The following PCOLCE variants were observed in gnomAD, a reference collection of about 807,000 sequenced individuals.
The protein encoded by PCOLCE is procollagen C-endopeptidase enhancer 1.
In PCOLCE, 33 loss-of-function variants were observed where a neutral mutation model predicts 47.2. The ratio of observed to expected loss-of-function variants is 0.70; its 90% confidence interval spans 0.53 to 0.93. PCOLCE has a LOEUF of 0.93. Among genes scored for constraint, PCOLCE ranks in the 40% least tolerant of loss-of-function variants. PCOLCE has a pLI of 0.00. For missense variants in PCOLCE, 584 were observed against 585.3 expected (o/e 1.00, Z 0.02); for synonymous variants, 254 against 252.5 (o/e 1.01, Z -0.06).
In PCOLCE at chr7:100,605,523, G is replaced by A; in HGVS notation, c.589-153G>A. 1.1e-6 allele frequency: 1 copy of A among 902,894 alleles called. No individual in the cohort carries two copies. The highest frequency in any genetic ancestry group is 1.7e-6 in the Non-Finnish European group (1 of 601,426). 55.9% of individuals were successfully genotyped at this position (902,894 alleles called of 1,614,324 possible). ...CCTGCAGGGTCCCATGGGTGTGTGT[G>A]GTCCTCCGTGCTGTGGTGTGAACGC... On this transcript the variant is annotated intron_variant, in intron 4 of 8. Transcript: ENST00000223061. This position sits in a 1 kb window ranked among gnomAD's most constrained non-coding sequence, Gnocchi z 6.1.
chr7:100,602,892 G>A (rs1031134741), intron 1 of PCOLCE: 21 of 375,102 alleles, frequency 5.6e-5, no homozygotes, highest in Non-Finnish European at 8.7e-5. Flanking sequence ...GGATTGTAGG[G>A]GGAGGAGGGG....
At position 100,602,560 on chromosome 7, in the gene PCOLCE, CTT is replaced by C; in HGVS notation, c.95+10_95+11del. 1 of 1,546,898 alleles carries C rather than the reference CTT, an allele frequency of 6.5e-7. No individual in the cohort carries two copies. The highest frequency in any genetic ancestry group is 8.9e-7 in the Non-Finnish European group (1 of 1,119,618). ...ACCCCCAACTACACCAGGTAGGTCT[CTT>C]GGCATCTTCCAGACAGCTCCAGTGA... On this transcript the variant is annotated intron_variant, in intron 1 of 8. Coordinates refer to ENST00000223061, the MANE Select transcript of PCOLCE (RefSeq NM_002593.4).
Position 100,604,307 on chromosome 7 carries a change from C to A in PCOLCE, c.463+90C>A, listed in dbSNP as rs1802672111. ...CAGCCCTAACCTCCGCCCCGCCCAC[C>A]CCGCGCCCCAGTGCCTAGGGCCCCC... On this transcript the variant is annotated intron_variant, in intron 3 of 8. Coordinates refer to ENST00000223061, the MANE Select transcript of PCOLCE (RefSeq NM_002593.4). This position sits in a 1 kb window ranked among gnomAD's most constrained non-coding sequence, Gnocchi z 6.4. 20 of 1,261,308 alleles carry A rather than the reference C, an allele frequency of 1.6e-5. No individual in the cohort carries two copies. The highest frequency in any genetic ancestry group is 2.0e-5 in the Non-Finnish European group (18 of 918,180). The allele number at this position is 1,261,308 out of a possible 1,614,324, so 78.1% of individuals were successfully genotyped here.
In PCOLCE at chr7:100,604,150, G is replaced by A; in HGVS notation, c.396G>A (p.Thr132=). Residue 132 remains threonine (T), a synonymous_variant, in exon 3 of 9, where the codon ACG becomes ACA. Transcript: ENST00000223061. The surrounding 1 kb of genome is among the most constrained non-coding windows in gnomAD (Gnocchi z 6.4). Reference sequence around the variant, plus strand: ...GCAACCAGGTGACCCTGAGGATGACGACGGATGAGGGCACAGGAGGACGAG... The same window carrying A: ...GCAACCAGGTGACCCTGAGGATGACAACGGATGAGGGCACAGGAGGACGAG... The part of the protein sequence containing the change: ...APGNQVTLRM[T]TDEGTGGRGF... 1 of 1,613,222 alleles carries A rather than the reference G, an allele frequency of 6.2e-7. No homozygotes were observed. Among genetic ancestry groups the A allele is most frequent in the Non-Finnish European group, 8.5e-7 (1 of 1,179,974 alleles).
rs766866388 is a variant in PCOLCE, at chr7:100,605,166, A to AC, written c.545dup (p.Ile184HisfsTer23). 1 of 1,611,752 alleles carries AC rather than the reference A, an allele frequency of 6.2e-7. No individual in the cohort carries two copies. Among genetic ancestry groups the AC allele is most frequent in the Non-Finnish European group, 8.5e-7 (1 of 1,179,260 alleles). Reference sequence around the variant, plus strand: ...ACGCCCAACTGGCCCGAGTCCGATTACCCCCCGGGCATCAGCTGTTCCTGG... The same window carrying AC: ...ACGCCCAACTGGCCCGAGTCCGATTACCCCCCCGGGCATCAGCTGTTCCTGG... On this transcript the variant is annotated frameshift_variant, in exon 4 of 9. Coordinates refer to ENST00000223061, the MANE Select transcript of PCOLCE (RefSeq NM_002593.4). LOFTEE classifies it high-confidence loss of function. The surrounding 1 kb of genome is among the most constrained non-coding windows in gnomAD (Gnocchi z 6.1).
intron 8 of PCOLCE, 54 bp from the exon 9 acceptor site, chr7:100,607,883 C>T: frequency 2.5e-6 from 4 of 1,611,446 alleles, no homozygotes; most frequent in Non-Finnish European, 3.4e-6. Context: ...AATCTTGAGA[C>T]CTGCTGACAG....
Position 100,605,137 on chromosome 7 carries a change from G to A in PCOLCE, c.510G>A (p.Leu170=), listed in dbSNP as rs778746301. 1.2e-6 allele frequency: 2 copies of A among 1,613,024 alleles called. No homozygotes were observed. The highest frequency in any genetic ancestry group is 1.7e-5 in the Admixed American group (1 of 59,988). Residue 170 remains leucine, a synonymous_variant, in exon 4 of 9, where the codon CTG becomes CTA. Transcript: ENST00000223061. This position sits in a 1 kb window ranked among gnomAD's most constrained non-coding sequence, Gnocchi z 6.1. Reference sequence around the variant, plus strand: ...GGCTGGAGAAGGCCCAGGGAACCCTGACCACGCCCAACTGGCCCGAGTCCG... The same window carrying A: ...GGCTGGAGAAGGCCCAGGGAACCCTAACCACGCCCAACTGGCCCGAGTCCG... ...GGRLEKAQGT[L]TTPNWPESDY...
chr7:100,607,550 G>A (rs1802738673), intron 7 of PCOLCE, 27 bp downstream of exon 7: 1 of 1,612,798 alleles, frequency 6.2e-7, no homozygotes, highest in Non-Finnish European at 8.5e-7. Context: ...CCCCATTCCA[G>A]CTCCTCGAAC....
intron 1 of PCOLCE, 55 bp downstream of exon 1, chr7:100,602,606 C>T: frequency 8.8e-7 from 1 of 1,141,824 alleles, no homozygotes; most frequent in Non-Finnish European, 1.3e-6. Flanking sequence ...CCCCCGATTC[C>T]TTTGGGGTTA....
rs774433442 is a variant in PCOLCE, at chr7:100,607,672, C to G, written c.1048C>G (p.Pro350Ala). 40 of 1,614,018 alleles carry G rather than the reference C, an allele frequency of 2.5e-5. No homozygotes were observed. Among genetic ancestry groups the G allele is most frequent in the South Asian group, 2.0e-4 (18 of 91,084 alleles). Residue 350 changes from proline to alanine, a missense_variant, in exon 8 of 9, where the codon CCA becomes GCA. By Grantham distance (27) the Pro-to-Ala change is conservative. Transcript: ENST00000223061. ...TATVKSMVREPGEGLAVTVSL... is the reference protein window; with the variant it reads ...TATVKSMVREAGEGLAVTVSL... ...GACAGTGAAGTCCATGGTTCGGGAG[C>G]CAGGGGAGGGCCTTGCCGTGACTGT...
In PCOLCE at chr7:100,605,622, T is replaced by C; in HGVS notation, c.589-54T>C. ...TGCAGGCACCCAGTAGGAGATGAGG[T>C]GCAGGCGCCCAGGGGTGTCCCGCCG... On this transcript the variant is annotated intron_variant, in intron 4 of 8. Coordinates refer to ENST00000223061, the MANE Select transcript of PCOLCE (RefSeq NM_002593.4). The surrounding 1 kb of genome is among the most constrained non-coding windows in gnomAD (Gnocchi z 6.1). 6.5e-7 allele frequency: 1 copy of C among 1,539,570 alleles called. No individual in the cohort carries two copies. The highest frequency in any genetic ancestry group is 8.8e-7 in the Non-Finnish European group (1 of 1,140,656).
In PCOLCE at chr7:100,604,729, G is replaced by A. The variant is rs1802680534; in HGVS notation, c.464-362G>A. ...GTCCTCGGGGGCTGTGCCCCAAGTC[G>A]AGGACACCCTCTCCAGCCTGAAAGG... On this transcript the variant is annotated intron_variant, in intron 3 of 8. Coordinates refer to ENST00000223061, the MANE Select transcript of PCOLCE (RefSeq NM_002593.4). This position sits in a 1 kb window ranked among gnomAD's most constrained non-coding sequence, Gnocchi z 6.4. 3.1e-6 allele frequency: 1 copy of A among 320,758 alleles called. No individual in the cohort carries two copies. Among genetic ancestry groups the A allele is most frequent in the Non-Finnish European group, 5.9e-6 (1 of 169,704 alleles). 19.9% of individuals were successfully genotyped at this position (320,758 alleles called of 1,614,324 possible). A position where few individuals can be genotyped will look rare whatever the true frequency, so the allele number is the denominator to read the frequency against.
Position 100,605,436 on chromosome 7 carries a change from C to A in PCOLCE, c.588+221C>A. The A allele has an allele frequency of 3.1e-6, 2 of 650,950 alleles. No homozygotes were observed. The highest frequency in any genetic ancestry group is 3.9e-5 in the South Asian group (2 of 51,096). The allele number at this position is 650,950 out of a possible 1,614,324, so 40.3% of individuals were successfully genotyped here. A position where few individuals can be genotyped will look rare whatever the true frequency, so the allele number is the denominator to read the frequency against. On this transcript the variant is annotated intron_variant, in intron 4 of 8. Coordinates refer to ENST00000223061, the MANE Select transcript of PCOLCE (RefSeq NM_002593.4). The surrounding 1 kb of genome is among the most constrained non-coding windows in gnomAD (Gnocchi z 6.1). ...CGAGGTACAGGGTCCTGGTATAACA[C>A]GCGGGCCTGTCACTTGTGAGTGCGC...
At chr7:100,606,702 G>A in intron 6 of PCOLCE, 72 bp downstream of exon 6, 5 of 1,178,978 alleles carry the variant, frequency 4.2e-6, no homozygotes, top group Non-Finnish European at 6.0e-6. Flanking sequence ...GACCTGGGCT[G>A]TGGCTCACAC....
Position 100,608,051 on chromosome 7 carries a change from G to A in PCOLCE, c.1298G>A (p.Ser433Asn), listed in dbSNP as rs1562828364. 2.5e-6 allele frequency: 4 copies of A among 1,614,024 alleles called. No individual in the cohort carries two copies. Among genetic ancestry groups the A allele is most frequent in the Non-Finnish European group, 3.4e-6 (4 of 1,180,026 alleles). Residue 433 changes from serine to asparagine, a missense_variant, in exon 9 of 9, where the codon AGC becomes AAC. Coordinates refer to ENST00000223061, the MANE Select transcript of PCOLCE (RefSeq NM_002593.4). ...CAGGACCAGATCCTCACCAACCTAAGCAAGAGGAAGTGCCCCTCTCAACCT... is the reference window on the plus strand; with the variant it reads ...CAGGACCAGATCCTCACCAACCTAAACAAGAGGAAGTGCCCCTCTCAACCT... The part of the protein sequence containing the change: ...PNQDQILTNL[S>N]KRKCPSQPVR...
At position 100,604,437 on chromosome 7, in the gene PCOLCE, C is replaced by CA. The variant is rs1432656683; in HGVS notation, c.463+221dup. On this transcript the variant is annotated intron_variant, in intron 3 of 8. Transcript: ENST00000223061. This position sits in a 1 kb window ranked among gnomAD's most constrained non-coding sequence, Gnocchi z 6.4. ...CCCATCCCTCTTCCAGGGCCCCCCCCAGGCGCGAGGCGGAAATGGGTCACC... is the reference window on the plus strand; with the variant it reads ...CCCATCCCTCTTCCAGGGCCCCCCCCAAGGCGCGAGGCGGAAATGGGTCACC... 3 of 631,674 alleles carry CA rather than the reference C, an allele frequency of 4.7e-6. No homozygotes were observed. The highest frequency in any genetic ancestry group is 2.8e-5 in the East Asian group (1 of 36,170). 39.1% of individuals were successfully genotyped at this position (631,674 alleles called of 1,614,324 possible). A position where few individuals can be genotyped will look rare whatever the true frequency, so the allele number is the denominator to read the frequency against.
Position 100,605,708 on chromosome 7 carries a change from G to A in PCOLCE, c.621G>A (p.Leu207=), listed in dbSNP as rs776856288. Residue 207 remains leucine, a synonymous_variant, in exon 5 of 9, where the codon CTG becomes CTA. Transcript: ENST00000223061. This position sits in a 1 kb window ranked among gnomAD's most constrained non-coding sequence, Gnocchi z 6.1. ...CGCTGACCTTCGAGAAGTTTGACCTGGAGCCGGACACCTACTGCCGCTATG... is the reference window on the plus strand; with the variant it reads ...CGCTGACCTTCGAGAAGTTTGACCTAGAGCCGGACACCTACTGCCGCTATG... The part of the protein sequence containing the change: ...VIALTFEKFD[L]EPDTYCRYDS... 2 of 1,581,252 alleles carry A rather than the reference G, an allele frequency of 1.3e-6. No homozygotes were observed. Among genetic ancestry groups the A allele is most frequent in the Admixed American group, 1.8e-5 (1 of 55,462 alleles).
chr7:100,604,885 C>T lies in PCOLCE; in HGVS notation c.464-206C>T. 1.9e-6 allele frequency: 1 copy of T among 525,822 alleles called. No homozygotes were observed. The highest frequency in any genetic ancestry group is 3.4e-6 in the Non-Finnish European group (1 of 293,886). The allele number at this position is 525,822 out of a possible 1,614,324, so 32.6% of individuals were successfully genotyped here. A position where few individuals can be genotyped will look rare whatever the true frequency, so the allele number is the denominator to read the frequency against. On this transcript the variant is annotated intron_variant, in intron 3 of 8. Transcript: ENST00000223061. This position sits in a 1 kb window ranked among gnomAD's most constrained non-coding sequence, Gnocchi z 6.4. ...CCCGCTTCCACCGCCCGCCAGTGCG[C>T]CCTGCGGCCCCAGACTTCCCCGAGC...
At chr7:100,607,405 C>T in intron 6 of PCOLCE, 47 bp from the exon 7 acceptor site, 1 of 1,462,312 alleles carries the variant, frequency 6.8e-7, no homozygotes. Context: ...GGACAGTGCT[C>T]CCTCCTACCT....
Sources: gnomAD v4.1 joint callset for allele counts on GRCh38, gnomAD v4.1.1 for gene constraint, Gnocchi (gnomAD v3.1) non-coding constraint, MANE v1.5 for transcripts, NCBI Gene and HGNC (gene_info 2026-07-23, HGNC 2026-07-21) for gene names.